Variants in EPHA6 observed in about 807,000 individuals in gnomAD.
EPHA6 encodes the protein EPH receptor A6.
Under a neutral mutation model 112.0 loss-of-function variants are expected in EPHA6, and 50 were observed. The ratio of observed to expected loss-of-function variants is 0.45; its 90% confidence interval spans 0.36 to 0.56. EPHA6 has a LOEUF of 0.56. Among genes scored for constraint, EPHA6 ranks in the 20% least tolerant of loss-of-function variants. EPHA6 has a pLI of 0.00. For missense variants in EPHA6, 1,280 were observed against 1,417.4 expected, an observed-to-expected ratio of 0.90 and a Z score of 1.56; for synonymous variants, 529 against 490.7, an observed-to-expected ratio of 1.08 and a Z score of -1.03.
In EPHA6 at chr3:96,987,657, A is replaced by G. The variant is rs1389775761; in HGVS notation, c.778A>G (p.Ile260Val). 8 of 1,607,766 alleles carry G rather than the reference A, an allele frequency of 5.0e-6. No homozygotes were observed. Among genetic ancestry groups the G allele is most frequent in the African/African-American group, 1.3e-5 (1 of 74,770 alleles). Residue 260 changes from isoleucine (I) to valine (V), a missense_variant, in exon 3 of 18, where the codon ATC (isoleucine) becomes GTC (valine). Physicochemically the swap from Ile to Val is conservative, Grantham distance 29. This residue lies in a region of EPHA6 where 878 missense variants were observed against 999.7 expected (regional missense o/e 0.88). Transcript: ENST00000389672. ...TACCCAGATGGATTTGGGTGATCGCATCCTCAAACTCAACACTGAAATTCG... is the reference window on the plus strand; with the variant it reads ...TACCCAGATGGATTTGGGTGATCGCGTCCTCAAACTCAACACTGAAATTCG... ...SFTQMDLGDRILKLNTEIREV... is the reference protein window; with the variant it reads ...SFTQMDLGDRVLKLNTEIREV...
intron 10 of EPHA6, among the ~76,000 whole-genome samples, chr3:97,484,412 A>G (rs2091646833): frequency 6.6e-6 from 1 of 152,194 alleles, no homozygotes; most frequent in African/African-American, 2.4e-5. Flanking sequence ...TAAAATGATG[A>G]CCATGAGCCT....
At chr3:97,449,874 G>C (rs1250852538) in intron 7 of EPHA6, among the ~76,000 whole-genome samples, 4 of 152,006 alleles carry the variant, frequency 2.6e-5, no homozygotes, top group African/African-American at 7.2e-5. Context: ...GAAGCTACTT[G>C]GGTTTCAGAT....
intron 10 of EPHA6, among the ~76,000 whole-genome samples, chr3:97,486,206 G>T (rs1379306258): frequency 2.0e-5 from 3 of 152,198 alleles, no homozygotes; most frequent in African/African-American, 4.8e-5. Context: ...AAACCATGTA[G>T]TTATTCCTAT....
At chr3:96,818,459 G>A (rs1284401678) in intron 1 of EPHA6, among the ~76,000 whole-genome samples, 1 of 151,842 alleles carries the variant, frequency 6.6e-6, no homozygotes, top group Non-Finnish European at 1.5e-5. Context: ...TTTCCCCCCA[G>A]GCAATTCAGT....
intron 3 of EPHA6, among the ~76,000 whole-genome samples, chr3:97,043,429 G>C (rs1355258369): frequency 2.6e-5 from 4 of 152,178 alleles, no homozygotes; most frequent in Admixed American, 2.6e-4. Flanking sequence ...GAAAACATCA[G>C]TGGGTCACTT....
intron 2 of EPHA6, among the ~76,000 whole-genome samples, chr3:96,910,368 C>G (rs1559823051): frequency 6.6e-6 from 1 of 152,034 alleles, no homozygotes; most frequent in Non-Finnish European, 1.5e-5. Context: ...TAATTGATCT[C>G]TCTTCTATTT....
chr3:97,710,986 G>A (rs551505255), intron 14 of EPHA6, among the ~76,000 whole-genome samples: 2 of 152,278 alleles, frequency 1.3e-5, no homozygotes, highest in East Asian at 1.9e-4. Context: ...ATCCAACCAT[G>A]GATAGAGATA....
intron 5 of EPHA6, among the ~76,000 whole-genome samples, chr3:97,395,769 G>A (rs2086661509): frequency 6.6e-6 from 1 of 151,418 alleles, no homozygotes; most frequent in Admixed American, 6.6e-5. Flanking sequence ...AAAGAAAAAT[G>A]TAAAGAAATA....
chr3:97,219,436 A>G (rs1374526980), intron 3 of EPHA6, among the ~76,000 whole-genome samples: 1 of 152,186 alleles, frequency 6.6e-6, no homozygotes, highest in Non-Finnish European at 1.5e-5. Context: ...GAAGCTCCCA[A>G]GCCTCAGTTC....
At chr3:97,716,284 A>ACCCAGGTGCT (rs1553676285) in intron 14 of EPHA6, among the ~76,000 whole-genome samples, 1 of 147,886 alleles carries the variant, frequency 6.8e-6, no homozygotes, top group African/African-American at 2.7e-5. Flanking sequence ...AAAAGAAAAG[A>ACCCAGGTGCT]TGGGCCGGGC....
chr3:96,885,141 G>A (rs2037550076), intron 2 of EPHA6, among the ~76,000 whole-genome samples: 1 of 152,078 alleles, frequency 6.6e-6, no homozygotes, highest in South Asian at 2.1e-4. Context: ...GTTTGTTAAG[G>A]ACTTTAGGAT....
At chr3:97,043,937 C>T (rs899027489) in intron 3 of EPHA6, among the ~76,000 whole-genome samples, 1 of 152,106 alleles carries the variant, frequency 6.6e-6, no homozygotes, top group Admixed American at 6.6e-5. Flanking sequence ...TTGGAAATCC[C>T]AAATATATGC....
chr3:96,893,049 G>T (rs934100127), intron 2 of EPHA6, among the ~76,000 whole-genome samples: 1 of 151,678 alleles, frequency 6.6e-6, no homozygotes, highest in Non-Finnish European at 1.5e-5. Context: ...TGATGGTCCC[G>T]TAAGATTATA....
At chr3:97,412,230 G>A (rs1476018595) in intron 6 of EPHA6, among the ~76,000 whole-genome samples, 1 of 152,050 alleles carries the variant, frequency 6.6e-6, no homozygotes, top group Non-Finnish European at 1.5e-5. Flanking sequence ...TCTTTTGGTG[G>A]TATGGAGTCA....
chr3:96,881,334 C>A (rs577198509), intron 2 of EPHA6, among the ~76,000 whole-genome samples: 91 of 152,192 alleles, frequency 6.0e-4, no homozygotes, highest in South Asian at 6.2e-4. Flanking sequence ...GCTGGGGAAG[C>A]CTCACATTCA....
chr3:97,462,587 C>T (rs1173374788), intron 7 of EPHA6, among the ~76,000 whole-genome samples: 4 of 151,996 alleles, frequency 2.6e-5, no homozygotes, highest in African/African-American at 7.2e-5. Flanking sequence ...GCAACTTACC[C>T]GAAAACAAGC....
At chr3:97,043,825 A>G (rs564223347) in intron 3 of EPHA6, among the ~76,000 whole-genome samples, 1 of 152,182 alleles carries the variant, frequency 6.6e-6, no homozygotes, top group African/African-American at 2.4e-5. Flanking sequence ...CAGCACACTG[A>G]GGTCCTAATG....
intron 2 of EPHA6, among the ~76,000 whole-genome samples, chr3:96,974,143 T>G (rs2042427295): frequency 6.8e-6 from 1 of 146,766 alleles, no homozygotes; most frequent in Admixed American, 6.8e-5. Context: ...TACTTATAAT[T>G]ATAAATAATG....
intron 15 of EPHA6, among the ~76,000 whole-genome samples, chr3:97,727,649 A>G (rs1467652668): frequency 6.6e-6 from 1 of 152,038 alleles, no homozygotes; most frequent in Non-Finnish European, 1.5e-5. Flanking sequence ...GCCCATTTCT[A>G]TTATTTCCAC....
Sources: allele counts gnomAD v4.1 joint callset (sites outside exome capture counted in the v4.1 genomes callset), GRCh38; gene constraint gnomAD v4.1.1; regional missense constraint gnomAD v4.1.1; transcripts MANE v1.5; gene names NCBI Gene and HGNC (gene_info 2026-07-23, HGNC 2026-07-21).